Variants in PCDHA8 observed in about 807,000 individuals in gnomAD.
PCDHA8 encodes the protein protocadherin alpha-8.
PCDHA8 carries 53 observed loss-of-function variants against 61.8 expected under a neutral mutation model. The observed-to-expected ratio is 0.86, with a 90% CI of 0.69 to 1.08. The LOEUF (loss-of-function observed/expected upper bound fraction) is 1.08. PCDHA8 is among the 50% of genes least tolerant of loss of function. The pLI, the probability that PCDHA8 is intolerant of heterozygous loss-of-function variation, is 0.00. For synonymous variants in PCDHA8, 618 were observed against 556.6 expected (o/e 1.11, Z -1.55); for missense variants, 1,293 against 1,245.0 (o/e 1.04, Z -0.58).
chr5:140,903,525 C>T (rs1322141732), intron 1 of PCDHA8, among the ~76,000 whole-genome samples: 1 of 152,164 alleles, frequency 6.6e-6, no homozygotes, highest in African/African-American at 2.4e-5. Context: ...GTGTTGTTCA[C>T]TTTAAACTAG....
At chr5:140,877,403 G>C (rs199806507) in intron 1 of PCDHA8, 1 of 1,613,770 alleles carries the variant, frequency 6.2e-7, no homozygotes, top group Non-Finnish European at 8.5e-7. Context: ...GACGCTCCGC[G>C]CCACCGCCTG....
chr5:140,927,688 G>T (rs2084510856), intron 1 of PCDHA8: 1 of 1,613,944 alleles, frequency 6.2e-7, no homozygotes, highest in African/African-American at 1.3e-5. Flanking sequence ...AGGGTCCAAT[G>T]GGGAAGTCCA....
At chr5:140,973,328 C>T (rs1315251124) in intron 1 of PCDHA8, among the ~76,000 whole-genome samples, 1 of 152,114 alleles carries the variant, frequency 6.6e-6, no homozygotes, top group Non-Finnish European at 1.5e-5. Flanking sequence ...AGTTTACACT[C>T]GTTGTAAAGT....
chr5:140,857,869 G>T (rs782395924), intron 1 of PCDHA8: 3 of 1,597,830 alleles, frequency 1.9e-6, no homozygotes, highest in Admixed American at 1.7e-5. Flanking sequence ...CGTGGCTGTC[G>T]TATGAATTGC....
chr5:140,938,092 A>G (rs1255638035), intron 1 of PCDHA8, among the ~76,000 whole-genome samples: 4 of 152,034 alleles, frequency 2.6e-5, no homozygotes, highest in African/African-American at 9.7e-5. Context: ...TAGTTTTATT[A>G]TTGTATTTTT....
intron 1 of PCDHA8, chr5:140,869,830 G>A: frequency 1.2e-6 from 2 of 1,611,658 alleles, no homozygotes; most frequent in Non-Finnish European, 1.7e-6. Flanking sequence ...TCCAGAGTTT[G>A]ATAAATCAGA....
intron 2 of PCDHA8, among the ~76,000 whole-genome samples, chr5:140,980,956 C>T (rs2096912703): frequency 6.6e-6 from 1 of 152,110 alleles, no homozygotes; most frequent in Non-Finnish European, 1.5e-5. Flanking sequence ...AGGATAGTTA[C>T]ACCTTCATGA....
chr5:140,917,948 A>AT (rs1443419626), intron 1 of PCDHA8, among the ~76,000 whole-genome samples: 16 of 151,986 alleles, frequency 1.1e-4, no homozygotes, highest in African/African-American at 3.9e-4. Flanking sequence ...TGGTAGTTTG[A>AT]TAGGAACATC....
intron 3 of PCDHA8, among the ~76,000 whole-genome samples, chr5:140,990,438 T>C (rs2097393735): frequency 2.0e-5 from 3 of 152,222 alleles, no homozygotes; most frequent in Admixed American, 2.0e-4. Context: ...CCCAATCTTG[T>C]GTCCAGAGCT....
chr5:140,914,590 T>C (rs886666163), intron 1 of PCDHA8, among the ~76,000 whole-genome samples: 1 of 152,208 alleles, frequency 6.6e-6, no homozygotes, highest in African/African-American at 2.4e-5. Flanking sequence ...TTCATTTAAG[T>C]AGGAACTTCC....
intron 1 of PCDHA8, among the ~76,000 whole-genome samples, chr5:140,888,673 A>G (rs571585641): frequency 6.6e-6 from 1 of 152,180 alleles, no homozygotes; most frequent in Non-Finnish European, 1.5e-5. Context: ...TGCCCTGTGC[A>G]TTAAGAGGTC....
intron 1 of PCDHA8, chr5:140,877,000 G>C: frequency 6.2e-7 from 1 of 1,612,598 alleles, no homozygotes; most frequent in Non-Finnish European, 8.5e-7. Flanking sequence ...CTACGTGTCG[G>C]TGCACGCGGA....
At position 140,969,018 on chromosome 5, in the gene PCDHA8, G is replaced by A. The variant is rs143196630; in HGVS notation, c.2395-9931G>A. On this transcript the variant is annotated intron_variant, in intron 1 of 3. Transcript: ENST00000531613. ...GGAGGCTTCTGTGGAGTAAGGGAAA[G>A]GTCCCCTGCAGAACTGTACAAACAA... 33 of 1,614,058 alleles carry A rather than the reference G, an allele frequency of 2.0e-5. 1 individual carries two copies. In the Middle Eastern group the frequency reaches 4.9e-4, roughly 24 times the overall value.
intron 3 of PCDHA8, among the ~76,000 whole-genome samples, chr5:140,992,004 G>A (rs1165725360): frequency 2.0e-5 from 3 of 147,598 alleles, no homozygotes; most frequent in Non-Finnish European, 3.0e-5. Context: ...TTCATGTTCA[G>A]GCAGAGGTGG....
At chr5:140,898,712 T>C (rs1219344656) in intron 1 of PCDHA8, among the ~76,000 whole-genome samples, 2 of 152,206 alleles carry the variant, frequency 1.3e-5, no homozygotes, top group African/African-American at 4.8e-5. Flanking sequence ...AGTAGTTTTT[T>C]CCAATTCTGT....
In PCDHA8 at chr5:140,846,520, G is replaced by A. The variant is rs1780530072; in HGVS notation, c.2394+2805G>A. Among the ~76,000 whole-genome samples, 3 of 147,948 alleles carry A rather than the reference G, an allele frequency of 2.0e-5. No homozygotes were observed. In the Admixed American group the frequency reaches 2.0e-4, roughly 10 times the overall value. ...CTCCCAAGTAGCTGGGATTACAGGT[G>A]CATGCCACCATGCCCTGCTAATTTT... On this transcript the variant is annotated intron_variant, in intron 1 of 3. Transcript: ENST00000531613.
intron 1 of PCDHA8, among the ~76,000 whole-genome samples, chr5:140,888,721 G>A (rs1176739860): frequency 6.6e-6 from 1 of 151,970 alleles, no homozygotes; most frequent in Non-Finnish European, 1.5e-5. Flanking sequence ...AATATTTCCA[G>A]CCCTTTGTGA....
At chr5:140,896,517 A>G (rs1300184594) in intron 1 of PCDHA8, among the ~76,000 whole-genome samples, 1 of 149,680 alleles carries the variant, frequency 6.7e-6, no homozygotes, top group African/African-American at 2.5e-5. Flanking sequence ...GGCACACACC[A>G]CAAAGCCCAG....
At chr5:140,949,816 A>G (rs1223140568) in intron 1 of PCDHA8, among the ~76,000 whole-genome samples, 2 of 151,532 alleles carry the variant, frequency 1.3e-5, no homozygotes, top group African/African-American at 4.8e-5. Context: ...TTTGCTTTCT[A>G]TTTGTCCCCT....
Sources: gnomAD v4.1 joint callset for allele counts (sites outside exome capture counted in the v4.1 genomes callset) on GRCh38, gnomAD v4.1.1 for gene constraint, MANE v1.5 for transcripts, NCBI Gene and HGNC (gene_info 2026-07-23, HGNC 2026-07-21) for gene names.